INTS1: variants seen among roughly 807,000 people sequenced by gnomAD.
The protein encoded by INTS1 is integrator complex subunit 1.
Under a neutral mutation model 241.6 loss-of-function variants are expected in INTS1, and 137 were observed. That is an observed-to-expected ratio of 0.57 (90% CI 0.49 to 0.65). INTS1 has a LOEUF of 0.65. INTS1 is among the 30% of genes least tolerant of loss of function. The pLI, the probability that INTS1 is intolerant of heterozygous loss-of-function variation, is 0.00. For missense variants in INTS1, 3,073 were observed against 3,032.2 expected (o/e 1.01, Z -0.32); for synonymous variants, 1,692 against 1,337.8 (o/e 1.26, Z -5.78).
Position 1,497,456 on chromosome 7 carries a change from C to T in INTS1, c.1426-142G>A, listed in dbSNP as rs1782919014. On this transcript the variant is annotated intron_variant, in intron 10 of 47. Transcript: ENST00000404767. The surrounding 1 kb of genome is among the most constrained non-coding windows in gnomAD (Gnocchi z 5.3). ...GTGTGGGGTGCGGGGTGGCGGGCTC[C>T]TTGCTCTACTGGCTGCCAGCCCTTG... The T allele has an allele frequency of 3.8e-6, 3 of 791,264 alleles. No homozygotes were observed. Among genetic ancestry groups the T allele is most frequent in the Non-Finnish European group, 5.8e-6 (3 of 521,418 alleles). 49.0% of individuals were successfully genotyped at this position (791,264 alleles called of 1,614,324 possible). A position where few individuals can be genotyped will look rare whatever the true frequency, so the allele number is the denominator to read the frequency against.
chr7:1,503,995 G>C lies in INTS1; in HGVS notation c.-35C>G, dbSNP rs377085830. On this transcript the variant is annotated 5_prime_UTR_variant, in exon 2 of 48. Transcript: ENST00000404767. ...TCCCTCGCGGCTCCCGGCGGCTGCG[G>C]CGTCACCTGCGGAGGAGCCAGCGTG... 2.7e-6 allele frequency: 4 copies of C among 1,505,564 alleles called. No homozygotes were observed. The highest frequency in any genetic ancestry group is 2.5e-5 in the East Asian group (1 of 39,982). The allele number at this position is 1,505,564 out of a possible 1,614,324, so 93.3% of individuals were successfully genotyped here.
chr7:1,494,325 C>A (rs1482023107), intron 14 of INTS1: 2 of 268,330 alleles, frequency 7.5e-6, no homozygotes, highest in Non-Finnish European at 1.4e-5. Flanking sequence ...GCGCCCAGGG[C>A]ACGAGGTGGG....
At chr7:1,489,163 G>GA (rs1473645502) in intron 18 of INTS1, among the ~76,000 whole-genome samples, 181 bp downstream of exon 18, 2 of 152,232 alleles carry the variant, frequency 1.3e-5, no homozygotes, top group Admixed American at 6.5e-5. Flanking sequence ...CCCGGCAAGG[G>GA]AAAGAGAAGA....
chr7:1,498,546 G>A lies in INTS1; in HGVS notation c.1291C>T (p.Leu431=). 6.2e-7 allele frequency: 1 copy of A among 1,613,724 alleles called. No individual in the cohort carries two copies. The highest frequency in any genetic ancestry group is 8.5e-7 in the Non-Finnish European group (1 of 1,179,830). The change falls in exon 10 of 48, where the codon CTG becomes TTG. Residue 431 remains leucine, a synonymous_variant. Coordinates refer to ENST00000404767, the MANE Select transcript of INTS1 (RefSeq NM_001080453.3). Reference sequence around the variant, plus strand: ...CCCAGGTTGTCCTTGTGCGCGCTCAGCAGCTCCCTGGGTGAGGTGAGGGTA... The same window carrying A: ...CCCAGGTTGTCCTTGTGCGCGCTCAACAGCTCCCTGGGTGAGGTGAGGGTA... ...NHFMLCIREL[L]SAHKDNLGTT... is the part of the protein sequence containing the mutation.
At chr7:1,492,954 G>T in intron 16 of INTS1, 56 bp downstream of exon 16, 1 of 1,363,988 alleles carries the variant, frequency 7.3e-7, no homozygotes, top group East Asian at 2.4e-5. Flanking sequence ...GGGTGGGAGT[G>T]GGGAGCGGGG....
In INTS1 at chr7:1,497,266, G is replaced by A. The variant is rs1442368977; in HGVS notation, c.1474C>T (p.Leu492=). Reference sequence around the variant, plus strand: ...CGCAGCAGGGCCCGCGAGGCCCGCAGGTAGTCGTCCTTGTTGGTCAGCAGG... The same window carrying A: ...CGCAGCAGGGCCCGCGAGGCCCGCAAGTAGTCGTCCTTGTTGGTCAGCAGG... The part of the protein sequence containing the change: ...QDLLTNKDDY[L]RASRALLREI... The change falls in exon 11 of 48, where the codon CTG becomes TTG. Residue 492 remains leucine (L), a synonymous_variant. Transcript: ENST00000404767. The surrounding 1 kb of genome is among the most constrained non-coding windows in gnomAD (Gnocchi z 5.3). The A allele has an allele frequency of 4.3e-6, 7 of 1,613,382 alleles. No homozygotes were observed. The Middle Eastern group carries it at 4.9e-4, about 114-fold the overall frequency.
chr7:1,474,313 T>C lies in INTS1; in HGVS notation c.5684A>G (p.Asn1895Ser), dbSNP rs749874572. 1 of 1,608,034 alleles carries C rather than the reference T, an allele frequency of 6.2e-7. No individual in the cohort carries two copies. The highest frequency in any genetic ancestry group is 8.5e-7 in the Non-Finnish European group (1 of 1,178,726). ...GTTCTGCTGCCGGAACTCCTGGAAG[T>C]TGAGGTGGGTGCGGCCGTGCAGGAG... ...AALLHGRTHL[N>S]FQEFRQQNHL... Residue 1895 changes from asparagine (N) to serine (S), a missense_variant, in exon 41 of 48, where the codon AAC becomes AGC. Coordinates refer to ENST00000404767, the MANE Select transcript of INTS1 (RefSeq NM_001080453.3).
chr7:1,476,256 G>GAC lies in INTS1; in HGVS notation c.5349_5350dup (p.Ser1784CysfsTer101), dbSNP rs751999249. The stretch of plus-strand genomic sequence containing the variant: ...GTCTCCCCACTGCTGGATGCAGCCT[G>GAC]ACAGGTGCTCCGTCACCTTCCTGAC... On this transcript the variant is annotated frameshift_variant, in exon 38 of 48. Coordinates refer to ENST00000404767, the MANE Select transcript of INTS1 (RefSeq NM_001080453.3). LOFTEE classifies it high-confidence loss of function. The GAC allele has an allele frequency of 1.3e-6, 2 of 1,566,108 alleles. No individual in the cohort carries two copies. The highest frequency in any genetic ancestry group is 1.7e-6 in the Non-Finnish European group (2 of 1,157,106).
In INTS1 at chr7:1,495,364, G is replaced by T. The variant is rs911004190; in HGVS notation, c.1832+69C>A. ...CTCAGTGGGGTTTGGGGCAGGGGTT[G>T]TGCGGGGCCCCGGCTTGTCCCGGCT... On this transcript the variant is annotated intron_variant, in intron 13 of 47. Coordinates refer to ENST00000404767, the MANE Select transcript of INTS1 (RefSeq NM_001080453.3). The T allele has an allele frequency of 6.5e-6, 10 of 1,545,064 alleles. No homozygotes were observed. In the African/African-American group the frequency reaches 1.4e-4, roughly 21 times the overall value.
Position 1,472,402 on chromosome 7 carries a change from A to G in INTS1, c.6071-16T>C, listed in dbSNP as rs760986169. On this transcript the variant is annotated splice_polypyrimidine_tract_variant and intron_variant, in intron 43 of 47. Transcript: ENST00000404767. ...GAGCTCTCCTCTGGAAGACAGTGGC[A>G]GTGCTGCAGGAGGGCGGGAGCGGCA... 8.6e-6 allele frequency: 13 copies of G among 1,514,944 alleles called. No homozygotes were observed. In the East Asian group the frequency reaches 3.2e-4, roughly 37 times the overall value. The allele number at this position is 1,514,944 out of a possible 1,614,324, so 93.8% of individuals were successfully genotyped here. A position where few individuals can be genotyped will look rare whatever the true frequency, so the allele number is the denominator to read the frequency against.
Position 1,472,288 on chromosome 7 carries a change from C to G in INTS1, c.6169G>C (p.Gly2057Arg), listed in dbSNP as rs1276180681. ...CCTGACTCACCCTCCACCGTTTGGC[C>G]CCGGGAAAGCCGTTTCATGTAGGGG... ...MAPYMKRLSR[G>R]QTVEDLLEVL... The change falls in exon 44 of 48, where the codon GGC becomes CGC. Residue 2057 changes from glycine (G) to arginine (R), a missense_variant. By Grantham distance (125) the Gly-to-Arg change is moderately radical. Coordinates refer to ENST00000404767, the MANE Select transcript of INTS1 (RefSeq NM_001080453.3). 6.4e-7 allele frequency: 1 copy of G among 1,555,896 alleles called. No homozygotes were observed. Among genetic ancestry groups the G allele is most frequent in the Admixed American group, 1.9e-5 (1 of 51,754 alleles).
chr7:1,504,012 GC>G lies in INTS1; in HGVS notation c.-41-12del. 3 of 1,360,328 alleles carry G rather than the reference GC, an allele frequency of 2.2e-6. No homozygotes were observed. Among genetic ancestry groups the G allele is most frequent in the Non-Finnish European group, 3.0e-6 (3 of 986,528 alleles). 84.3% of individuals were successfully genotyped at this position (1,360,328 alleles called of 1,614,324 possible). A position where few individuals can be genotyped will look rare whatever the true frequency, so the allele number is the denominator to read the frequency against. On this transcript the variant is annotated splice_polypyrimidine_tract_variant and intron_variant, in intron 1 of 47. Transcript: ENST00000404767. ...CGGCTGCGGCGTCACCTGCGGAGGA[GC>G]CAGCGTGCGGTCATTCCTTCACTCA...
chr7:1,499,217 C>A, intron 7 of INTS1, 38 bp downstream of exon 7: 1 of 1,605,148 alleles, frequency 6.2e-7, no homozygotes, highest in Non-Finnish European at 8.5e-7. Flanking sequence ...CGCCCGCCCC[C>A]GCCGCCCCCA....
chr7:1,476,995 C>A, intron 35 of INTS1, 77 bp from the exon 36 acceptor site: 1 of 1,511,408 alleles, frequency 6.6e-7, no homozygotes, highest in Non-Finnish European at 8.9e-7. Context: ...TGACAGCTTC[C>A]CCAATGAGCC....
rs1471573707 is a variant in INTS1 at position 1,499,890 on chromosome 7, A to T, written c.678T>A (p.Phe226Leu). 1 of 1,612,362 alleles carries T rather than the reference A, an allele frequency of 6.2e-7. No individual in the cohort carries two copies. Among genetic ancestry groups the T allele is most frequent in the Admixed American group, 1.7e-5 (1 of 59,934 alleles). The change falls in exon 5 of 48, where the codon TTT becomes TTA. Residue 226 changes from phenylalanine to leucine, a missense_variant. Physicochemically the swap from Phe to Leu is conservative, Grantham distance 22 (BLOSUM62 0). Coordinates refer to ENST00000404767, the MANE Select transcript of INTS1 (RefSeq NM_001080453.3). ...YEEDENWPEI[F>L]VKVYIEDSLG... is the part of the protein sequence containing the mutation. ...CCCGGGAGAGGACGCTCACCTTGAC[A>T]AAGATCTCGGGCCAGTTCTCGTCCT... is the stretch of plus-strand genomic sequence containing the variant.
At position 1,479,540 on chromosome 7, in the gene INTS1, G is replaced by A; in HGVS notation, c.4219C>T (p.Gln1407Ter). 1 of 1,559,248 alleles carries A rather than the reference G, an allele frequency of 6.4e-7. No individual in the cohort carries two copies. The highest frequency in any genetic ancestry group is 8.7e-7 in the Non-Finnish European group (1 of 1,153,502). The part of the protein sequence containing the change: ...EVPGITVRVL[Q>*]ALATLLSSPH... The stretch of plus-strand genomic sequence containing the variant: ...GAGCTGAGCAGGGTGGCGAGGGCCT[G>A]CAGGACACGCACCGTGATGCCCGGC... The change falls in exon 31 of 48, where the codon CAG becomes TAG. Residue 1407 changes from glutamine to a stop codon, truncating the protein, a stop_gained. Coordinates refer to ENST00000404767, the MANE Select transcript of INTS1 (RefSeq NM_001080453.3). LOFTEE classifies it high-confidence loss of function.
intron 23 of INTS1, 44 bp from the exon 24 acceptor site, chr7:1,485,246 G>T (rs754138059): frequency 6.3e-7 from 1 of 1,597,582 alleles, no homozygotes; most frequent in South Asian, 1.1e-5. Flanking sequence ...CAGGGCTGCG[G>T]CCCTCTCATC....
At chr7:1,496,458 G>A (rs58301167) in intron 11 of INTS1, among the ~76,000 whole-genome samples, 194 bp from the exon 12 acceptor site, 4 of 137,586 alleles carry the variant, frequency 2.9e-5, no homozygotes, top group Non-Finnish European at 3.2e-5. Context: ...ACGTGGGCGC[G>A]GCACGGGGTC....
chr7:1,497,007 A>T lies in INTS1; in HGVS notation c.1602+131T>A. ...GGGACGCGTCACCGCAAACAGCCTC[A>T]CTCATCCCCGTACCCACGCTCAGCC... On this transcript the variant is annotated intron_variant, in intron 11 of 47. Coordinates refer to ENST00000404767, the MANE Select transcript of INTS1 (RefSeq NM_001080453.3). The surrounding 1 kb of genome is among the most constrained non-coding windows in gnomAD (Gnocchi z 5.3). 1 of 922,908 alleles carries T rather than the reference A, an allele frequency of 1.1e-6. No homozygotes were observed. Among genetic ancestry groups the T allele is most frequent in the Non-Finnish European group, 1.6e-6 (1 of 631,948 alleles). 57.2% of individuals were successfully genotyped at this position (922,908 alleles called of 1,614,324 possible).
Sources: allele counts gnomAD v4.1 joint callset (sites outside exome capture counted in the v4.1 genomes callset), GRCh38; gene constraint gnomAD v4.1.1; non-coding constraint Gnocchi (gnomAD v3.1); transcripts MANE v1.5; gene names NCBI Gene and HGNC (gene_info 2026-07-23, HGNC 2026-07-21).